XPO1: variants seen among roughly 807,000 people sequenced by gnomAD.
XPO1 encodes exportin 1.
In XPO1, 5 loss-of-function variants were observed where a neutral mutation model predicts 133.3. The observed-to-expected ratio is 0.04, with a 90% CI of 0.02 to 0.08. The LOEUF (loss-of-function observed/expected upper bound fraction) is 0.08. Among genes scored for constraint, XPO1 ranks in the 10% least tolerant of loss-of-function variants. XPO1 has a pLI of 1.00. For missense variants in XPO1, 506 were observed against 1,267.5 expected (o/e 0.40, Z 9.12); for synonymous variants, 419 against 408.2 (o/e 1.03, Z -0.32).
At chr2:61,516,422 G>T (rs934606458) in intron 4 of XPO1, among the ~76,000 whole-genome samples, 1 of 150,868 alleles carries the variant, frequency 6.6e-6, no homozygotes, top group Admixed American at 6.6e-5. Flanking sequence ...CCAAGTGTGG[G>T]TTTTTTTTTG....
In XPO1 at chr2:61,492,794, T is replaced by C. The variant is rs368993310; in HGVS notation, c.1385-46A>G. ...TCAAATGCAAATAATGAGCAGAATTTTATTGATGAGTAACAATACATTTAG... is the reference window on the plus strand; with the variant it reads ...TCAAATGCAAATAATGAGCAGAATTCTATTGATGAGTAACAATACATTTAG... On this transcript the variant is annotated intron_variant, in intron 13 of 24. Coordinates refer to ENST00000401558, the MANE Select transcript of XPO1 (RefSeq NM_003400.4). This position sits in a 1 kb window ranked among gnomAD's most constrained non-coding sequence, Gnocchi z 5.6. The C allele has an allele frequency of 2.5e-6, 4 of 1,591,474 alleles. No homozygotes were observed. In the African/African-American group the frequency reaches 5.4e-5, roughly 22 times the overall value.
At chr2:61,496,418 C>T (rs956317446) in intron 10 of XPO1, among the ~76,000 whole-genome samples, 1 of 152,168 alleles carries the variant, frequency 6.6e-6, no homozygotes, top group Non-Finnish European at 1.5e-5. Context: ...TTATGTTGTC[C>T]TGGCTGGTCT....
chr2:61,527,642 A>T (rs1698964831), intron 2 of XPO1, among the ~76,000 whole-genome samples: 1 of 152,134 alleles, frequency 6.6e-6, no homozygotes, highest in Non-Finnish European at 1.5e-5. Context: ...ACAAATCCCA[A>T]ATACTTACAT....
At chr2:61,498,268 T>C (rs1030499378) in intron 9 of XPO1, among the ~76,000 whole-genome samples, 7 of 152,186 alleles carry the variant, frequency 4.6e-5, no homozygotes, top group Non-Finnish European at 1.0e-4. Context: ...CTGTTTTGTA[T>C]TTTTAGTAGA....
At chr2:61,518,407 CAA>C (rs1573199257) in intron 4 of XPO1, among the ~76,000 whole-genome samples, 3 of 139,226 alleles carry the variant, frequency 2.2e-5, no homozygotes, top group Non-Finnish European at 4.6e-5. Flanking sequence ...AAACAAAAAA[CAA>C]AAAACAAAAC....
At position 61,483,114 on chromosome 2, in the gene XPO1, G is replaced by A. The variant is rs201431981; in HGVS notation, c.2678-23C>T. 12 of 1,599,154 alleles carry A rather than the reference G, an allele frequency of 7.5e-6. No individual in the cohort carries two copies. The African/African-American group carries it at 9.4e-5, about 13-fold the overall frequency. Reference sequence around the variant, plus strand: ...AGCCTAAAAGACATAGAATACCAATGGAAAGTTACTACAGACTGACAGCAC... The same window carrying A: ...AGCCTAAAAGACATAGAATACCAATAGAAAGTTACTACAGACTGACAGCAC... On this transcript the variant is annotated intron_variant, in intron 21 of 24. Transcript: ENST00000401558.
intron 24 of XPO1, 148 bp downstream of exon 24, chr2:61,481,037 G>A (rs942560929): frequency 2.1e-5 from 10 of 478,918 alleles, no homozygotes; most frequent in Non-Finnish European, 3.7e-5. Flanking sequence ...CCAGTCTCAG[G>A]TTTTTTGATT....
At chr2:61,506,680 C>T (rs1284691430) in intron 4 of XPO1, among the ~76,000 whole-genome samples, 1 of 149,016 alleles carries the variant, frequency 6.7e-6, no homozygotes, top group East Asian at 2.1e-4. Context: ...GAGTGAGACT[C>T]CACCTCAAAT....
chr2:61,527,295 G>A (rs1293212430), intron 2 of XPO1, among the ~76,000 whole-genome samples: 1 of 146,494 alleles, frequency 6.8e-6, no homozygotes, highest in African/African-American at 2.5e-5. Context: ...CTAGGTGACA[G>A]GCAATGTAAC....
At chr2:61,479,628 C>T (rs1696238216) in intron 24 of XPO1, among the ~76,000 whole-genome samples, 1 of 152,128 alleles carries the variant, frequency 6.6e-6, no homozygotes, top group Admixed American at 6.5e-5. Flanking sequence ...TGTTCTGTAG[C>T]CCCAGCACAT....
At chr2:61,481,091 G>T in intron 24 of XPO1, 94 bp downstream of exon 24, 1 of 714,330 alleles carries the variant, frequency 1.4e-6, no homozygotes, top group Non-Finnish European at 2.2e-6. Context: ...CCATTTATTT[G>T]GCATGACAAA....
chr2:61,498,861 T>C lies in XPO1; in HGVS notation c.639+4A>G, dbSNP rs769658093. On this transcript the variant is annotated splice_donor_region_variant and intron_variant, in intron 8 of 24. Transcript: ENST00000401558. Reference sequence around the variant, plus strand: ...TTTTTAAAAATGAAATTAAAAACACTTACCATTACAAACTGACACAGTTGA... The same window carrying C: ...TTTTTAAAAATGAAATTAAAAACACCTACCATTACAAACTGACACAGTTGA... 7.5e-6 allele frequency: 12 copies of C among 1,605,250 alleles called. No individual in the cohort carries two copies. The highest frequency in any genetic ancestry group is 1.0e-5 in the Non-Finnish European group (12 of 1,176,124).
Position 61,497,015 on chromosome 2 carries a change from A to C in XPO1, c.760-8T>G. The stretch of plus-strand genomic sequence containing the variant: ...CATTGGAACATTCAGGAACTATTTA[A>C]AAGGGGGGAGGGAACCATAAAATTA... On this transcript the variant is annotated splice_polypyrimidine_tract_variant and splice_region_variant and intron_variant, in intron 9 of 24. Coordinates refer to ENST00000401558, the MANE Select transcript of XPO1 (RefSeq NM_003400.4). 1 of 1,604,588 alleles carries C rather than the reference A, an allele frequency of 6.2e-7. No individual in the cohort carries two copies. The highest frequency in any genetic ancestry group is 8.5e-7 in the Non-Finnish European group (1 of 1,177,520).
intron 3 of XPO1, among the ~76,000 whole-genome samples, chr2:61,523,197 A>C (rs1487640152): frequency 1.3e-5 from 2 of 152,238 alleles, no homozygotes; most frequent in East Asian, 1.9e-4. Flanking sequence ...GTGTTACTTA[A>C]GGAGCAGCAA....
At chr2:61,510,522 TG>T (rs1698037516) in intron 4 of XPO1, among the ~76,000 whole-genome samples, 1 of 152,160 alleles carries the variant, frequency 6.6e-6, no homozygotes, top group African/African-American at 2.4e-5. Flanking sequence ...TTAAGAGAAA[TG>T]GATCTATATG....
intron 4 of XPO1, among the ~76,000 whole-genome samples, chr2:61,503,537 G>T (rs1451100585): frequency 6.6e-6 from 1 of 152,038 alleles, no homozygotes; most frequent in Non-Finnish European, 1.5e-5. Flanking sequence ...CCATTCTCAT[G>T]CCTCAGCCTC....
At chr2:61,529,949 C>A in intron 2 of XPO1, among the ~76,000 whole-genome samples, 1 of 152,150 alleles carries the variant, frequency 6.6e-6, no homozygotes, top group Admixed American at 6.6e-5. Flanking sequence ...CAATCATACA[C>A]ATTTCTATTT....
intron 18 of XPO1, 75 bp downstream of exon 18, chr2:61,488,513 A>G (rs924744216): frequency 1.4e-5 from 20 of 1,455,246 alleles, no homozygotes; most frequent in Non-Finnish European, 1.8e-5. Flanking sequence ...AAAAAACATC[A>G]AATGTTTGAC....
chr2:61,527,071 AATCTGGTTT>A (rs1480549016), intron 2 of XPO1, among the ~76,000 whole-genome samples: 5 of 152,190 alleles, frequency 3.3e-5, no homozygotes, highest in Admixed American at 2.6e-4. Flanking sequence ...TTTGGGAGTA[AATCTGGTTT>A]ATTTTTTAGT....
Sources: allele counts gnomAD v4.1 joint callset (sites outside exome capture counted in the v4.1 genomes callset), GRCh38; gene constraint gnomAD v4.1.1; non-coding constraint Gnocchi (gnomAD v3.1); transcripts MANE v1.5; gene names NCBI Gene and HGNC (gene_info 2026-07-23, HGNC 2026-07-21).